The following EYA2 variants were observed in gnomAD, a reference collection of about 807,000 sequenced individuals.
EYA2 encodes protein phosphatase EYA2.
EYA2 carries 31 observed loss-of-function variants against 69.2 expected under a neutral mutation model. That is an observed-to-expected ratio of 0.45 (90% CI 0.34 to 0.60). The LOEUF (loss-of-function observed/expected upper bound fraction) is 0.60. EYA2 is among the 20% of genes least tolerant of loss of function. The pLI, the probability that EYA2 is intolerant of heterozygous loss-of-function variation, is 0.02. For missense variants in EYA2, 622 were observed against 701.2 expected (o/e 0.89, Z 1.28); for synonymous variants, 257 against 279.4 (o/e 0.92, Z 0.80).
intron 2 of EYA2, among the ~76,000 whole-genome samples, chr20:47,000,388 GCA>G (rs1407535678): frequency 6.6e-6 from 1 of 152,216 alleles, no homozygotes; most frequent in African/African-American, 2.4e-5. Flanking sequence ...AGTTGCAAGT[GCA>G]CGTTGGTCTC....
chr20:46,930,000 T>C (rs1388970782), intron 1 of EYA2, among the ~76,000 whole-genome samples: 1 of 152,208 alleles, frequency 6.6e-6, no homozygotes, highest in East Asian at 1.9e-4. Flanking sequence ...TAAGATTTTG[T>C]GATTCTAGGA....
intron 9 of EYA2, among the ~76,000 whole-genome samples, chr20:47,136,152 T>C (rs2033467885): frequency 6.6e-6 from 1 of 152,200 alleles, no homozygotes; most frequent in Admixed American, 6.5e-5. Context: ...AACAGTTACC[T>C]CCTAATCTAT....
intron 1 of EYA2, among the ~76,000 whole-genome samples, chr20:46,988,152 A>T (rs1486953021): frequency 1.4e-5 from 2 of 138,272 alleles, no homozygotes; most frequent in African/African-American, 5.6e-5. Context: ...ATATGCAAAT[A>T]CTCTACCATT....
intron 9 of EYA2, among the ~76,000 whole-genome samples, chr20:47,101,883 G>A (rs550455629): frequency 7.4e-4 from 112 of 152,330 alleles, no homozygotes; most frequent in African/African-American, 2.5e-3. Flanking sequence ...CAAAACTCAT[G>A]GCCTCAGCTT....
chr20:47,049,867 C>A (rs553487611), intron 5 of EYA2, among the ~76,000 whole-genome samples: 2 of 151,450 alleles, frequency 1.3e-5, no homozygotes, highest in Admixed American at 6.6e-5. Flanking sequence ...CAGACCCCCC[C>A]CCCACCGCCA....
chr20:47,008,900 C>A (rs1467061864), intron 4 of EYA2, among the ~76,000 whole-genome samples: 1 of 152,246 alleles, frequency 6.6e-6, no homozygotes, highest in Non-Finnish European at 1.5e-5. Context: ...TGGCTATCTT[C>A]TTCTGTAAAG....
intron 1 of EYA2, among the ~76,000 whole-genome samples, chr20:46,917,087 G>C (rs995703373): frequency 2.6e-5 from 4 of 152,140 alleles, no homozygotes; most frequent in African/African-American, 9.7e-5. Context: ...CCATGTGCAG[G>C]AGTGGTCAGG....
intron 6 of EYA2, 88 bp from the exon 7 acceptor site, chr20:47,074,070 T>A (rs1162821145): frequency 2.4e-6 from 3 of 1,263,802 alleles, no homozygotes; most frequent in Non-Finnish European, 3.2e-6. Flanking sequence ...TTTATTCTAA[T>A]GGTGAGACAG....
intron 5 of EYA2, among the ~76,000 whole-genome samples, chr20:47,022,029 A>G (rs1268077038): frequency 6.6e-6 from 1 of 152,178 alleles, no homozygotes; most frequent in Non-Finnish European, 1.5e-5. Flanking sequence ...CATACCAAAT[A>G]CGTTTAGTCA....
chr20:47,099,767 C>T (rs549198763), intron 9 of EYA2, among the ~76,000 whole-genome samples: 8 of 152,340 alleles, frequency 5.3e-5, no homozygotes, highest in African/African-American at 1.9e-4. Flanking sequence ...TACTCCTCTC[C>T]ATCTAAATTG....
intron 10 of EYA2, among the ~76,000 whole-genome samples, chr20:47,163,615 T>G (rs1341856393): frequency 2.0e-5 from 3 of 149,612 alleles, no homozygotes; most frequent in Non-Finnish European, 3.0e-5. Context: ...GGAGAATTGC[T>G]TGAACCTGGG....
intron 5 of EYA2, among the ~76,000 whole-genome samples, chr20:47,048,169 G>C (rs2030145723): frequency 6.6e-6 from 1 of 152,196 alleles, no homozygotes; most frequent in African/African-American, 2.4e-5. Flanking sequence ...GCCTACCACA[G>C]ATACACAGAA....
chr20:47,074,638 T>C (rs532720743), intron 7 of EYA2, among the ~76,000 whole-genome samples: 3 of 152,194 alleles, frequency 2.0e-5, no homozygotes, highest in African/African-American at 7.2e-5. Flanking sequence ...TTTTCTGGCT[T>C]CTTTTGAAAG....
At chr20:47,179,702 AACCCTCAGGGTAC>A in intron 12 of EYA2, 83 bp from the exon 13 acceptor site, 1 of 792,196 alleles carries the variant, frequency 1.3e-6, no homozygotes, top group Non-Finnish European at 2.0e-6. Context: ...ATCTGATTTT[AACCCTCAGGGTAC>A]AGTAGCTAGA....
At chr20:47,156,856 G>A (rs77811940) in intron 10 of EYA2, among the ~76,000 whole-genome samples, 1,941 of 151,862 alleles carry the variant, frequency 0.013, 84 homozygotes, top group East Asian at 0.095. Flanking sequence ...GAAGTTCATC[G>A]GGGCCCTGAT....
intron 5 of EYA2, among the ~76,000 whole-genome samples, chr20:47,025,047 C>T (rs1262655926): frequency 6.6e-6 from 1 of 152,210 alleles, no homozygotes; most frequent in Non-Finnish European, 1.5e-5. Context: ...TTTTGCAATT[C>T]CTGCCAATTT....
chr20:47,163,323 G>A (rs1049989988), intron 10 of EYA2, among the ~76,000 whole-genome samples: 15 of 152,040 alleles, frequency 9.9e-5, no homozygotes, highest in Admixed American at 2.6e-4. Flanking sequence ...AAGCCACCGC[G>A]CCCAGCCGGA....
intron 15 of EYA2, among the ~76,000 whole-genome samples, chr20:47,184,972 A>C (rs2034608338): frequency 6.6e-6 from 1 of 152,190 alleles, no homozygotes; most frequent in East Asian, 1.9e-4. Flanking sequence ...CTGAGGCAGA[A>C]GCCTCAGAAC....
chr20:47,004,850 C>T, intron 3 of EYA2, 92 bp from the exon 4 acceptor site: 1 of 1,560,704 alleles, frequency 6.4e-7, no homozygotes, highest in Non-Finnish European at 8.8e-7. Context: ...AAGAGTAGAA[C>T]CCCAAAGAAA....
Sources: gnomAD v4.1 joint callset for allele counts (sites outside exome capture counted in the v4.1 genomes callset) on GRCh38, gnomAD v4.1.1 for gene constraint, MANE v1.5 for transcripts, NCBI Gene and HGNC (gene_info 2026-07-23, HGNC 2026-07-21) for gene names.